AKAP7: variants seen among roughly 807,000 people sequenced by gnomAD.
The protein encoded by AKAP7 is A kinase (PRKA) anchor protein 7.
A neutral mutation model predicts 39.5 loss-of-function variants in AKAP7; 39 were observed. The ratio of observed to expected loss-of-function variants is 0.99; its 90% CI spans 0.76 to 1.29. AKAP7 has a LOEUF of 1.29. Ranked by LOEUF, AKAP7 falls within the 50% of genes most tolerant of loss-of-function variation. AKAP7 has a pLI of 0.00. For synonymous variants in AKAP7, 140 were observed against 139.1 expected, an observed-to-expected ratio of 1.01 and a Z score of -0.05; for missense variants, 414 against 407.7, an observed-to-expected ratio of 1.02 and a Z score of -0.13.
chr6:131,179,731 A>T lies in AKAP7; in HGVS notation c.589+10458A>T, dbSNP rs570312371. Among the ~76,000 whole-genome samples, 14 of 152,238 alleles carry T rather than the reference A, an allele frequency of 9.2e-5. No homozygotes were observed. In the South Asian group the frequency reaches 2.1e-3, roughly 23 times the overall value. ...AAAGATAGAAAAAAATTACCTTGGC[A>T]TGATGGTGCATGCCTTGATTCCAGC... is the stretch of plus-strand genomic sequence containing the variant. On this transcript the variant is annotated intron_variant, in intron 5 of 7. Coordinates refer to ENST00000431975, the MANE Select transcript of AKAP7 (RefSeq NM_016377.4).
intron 7 of AKAP7, among the ~76,000 whole-genome samples, chr6:131,270,193 A>G (rs1192391777): frequency 1.3e-5 from 2 of 152,212 alleles, no homozygotes; most frequent in Non-Finnish European, 2.9e-5. Context: ...GAACAGTTCC[A>G]TCACTCTCCA....
chr6:131,282,009 C>T lies in AKAP7; in HGVS notation c.*283C>T. 1 of 1,162,096 alleles carries T rather than the reference C, an allele frequency of 8.6e-7. No homozygotes were observed. The highest frequency in any genetic ancestry group is 1.1e-6 in the Non-Finnish European group (1 of 944,704). 72.0% of individuals were successfully genotyped at this position (1,162,096 alleles called of 1,614,324 possible). On this transcript the variant is annotated 3_prime_UTR_variant, in exon 8 of 8. Transcript: ENST00000431975. ...AGGGAAAGGGAACTTTGGGTTATGC[C>T]TCCTGGACGCAAATTAAAGGCCGAG...
chr6:131,267,390 G>A (rs951766515), intron 7 of AKAP7, among the ~76,000 whole-genome samples: 1 of 152,164 alleles, frequency 6.6e-6, no homozygotes, highest in Non-Finnish European at 1.5e-5. Context: ...TCTGAAAGTC[G>A]AATTTTCTTT....
intron 5 of AKAP7, among the ~76,000 whole-genome samples, chr6:131,194,682 C>T (rs899073474): frequency 1.3e-5 from 2 of 152,028 alleles, no homozygotes; most frequent in Non-Finnish European, 2.9e-5. Flanking sequence ...CTCCCTTTAG[C>T]TCTAAAAATA....
Position 131,282,446 on chromosome 6 carries a change from C to G in AKAP7, c.*720C>G. ...AGACTTAATTAATGAAGCTTTGCAT[C>G]GAGAAACGATGGGTCTGAAGTCCAA... On this transcript the variant is annotated 3_prime_UTR_variant, in exon 8 of 8. Coordinates refer to ENST00000431975, the MANE Select transcript of AKAP7 (RefSeq NM_016377.4). The G allele has an allele frequency of 4.6e-6, 7 of 1,528,172 alleles. No individual in the cohort carries two copies. Among genetic ancestry groups the G allele is most frequent in the Non-Finnish European group, 6.1e-6 (7 of 1,142,316 alleles). The allele number at this position is 1,528,172 out of a possible 1,614,324, so 94.7% of individuals were successfully genotyped here. A position where few individuals can be genotyped will look rare whatever the true frequency, so the allele number is the denominator to read the frequency against.
At chr6:131,235,371 G>A (rs571191002) in intron 7 of AKAP7, among the ~76,000 whole-genome samples, 15 of 152,148 alleles carry the variant, frequency 9.9e-5, no homozygotes, top group Non-Finnish European at 1.5e-4. Context: ...TAAACATAAC[G>A]TGTGCATGTG....
chr6:131,153,762 A>T (rs916259312), intron 2 of AKAP7, among the ~76,000 whole-genome samples: 2 of 152,208 alleles, frequency 1.3e-5, no homozygotes, highest in African/African-American at 4.8e-5. Flanking sequence ...TATATATCTT[A>T]TCTTCACAGT....
intron 5 of AKAP7, among the ~76,000 whole-genome samples, chr6:131,186,804 GA>G (rs34707543): frequency 0.15 from 22,692 of 152,124 alleles, 2,158 homozygotes; most frequent in Middle Eastern, 0.24. Context: ...TCCCATTAAT[GA>G]AGGCAGACCT....
chr6:131,253,524 T>C (rs1331864326), intron 7 of AKAP7, among the ~76,000 whole-genome samples: 3 of 152,210 alleles, frequency 2.0e-5, no homozygotes. Context: ...ATAGTCACCT[T>C]ACTGTGCTGT....
rs547306693 is a variant in AKAP7, at chr6:131,254,198, T to G, written c.851-27332T>G. Among the ~76,000 whole-genome samples the G allele has an allele frequency of 2.4e-4, 37 of 152,358 alleles. No individual in the cohort carries two copies. In the South Asian group the frequency reaches 7.7e-3, roughly 32 times the overall value. On this transcript the variant is annotated intron_variant, in intron 7 of 7. Coordinates refer to ENST00000431975, the MANE Select transcript of AKAP7 (RefSeq NM_016377.4). ...ATGTTTCTTGGAAGATTAGGCTCTT[T>G]CTCTTGCTCTACGGGAACATTGTTA... is the stretch of plus-strand genomic sequence containing the variant.
chr6:131,219,342 A>T (rs796659927), intron 6 of AKAP7, among the ~76,000 whole-genome samples: 4 of 152,032 alleles, frequency 2.6e-5, no homozygotes, highest in African/African-American at 9.6e-5. Context: ...GGAGATGATT[A>T]GTCTTTCCTT....
At chr6:131,172,210 T>C (rs1420017863) in intron 5 of AKAP7, among the ~76,000 whole-genome samples, 1 of 152,200 alleles carries the variant, frequency 6.6e-6, no homozygotes, top group Non-Finnish European at 1.5e-5. Context: ...ATAATTAAAG[T>C]ATTTTTTAAG....
Position 131,165,128 on chromosome 6 carries a change from T to A in AKAP7, c.339T>A (p.Asp113Glu). 2.5e-6 allele frequency: 4 copies of A among 1,611,992 alleles called. No individual in the cohort carries two copies. The highest frequency in any genetic ancestry group is 3.4e-6 in the Non-Finnish European group (4 of 1,178,568). ...TGCAGAATGCAATAATACAACAAGA[T>A]GAGCGACTGGCCAAAGCAATGGTCA... is the stretch of plus-strand genomic sequence containing the variant. ...KILQNAIIQQ[D>E]ERLAKAMVSD... Residue 113 changes from aspartate (D) to glutamate (E), a missense_variant, in exon 4 of 8, where the codon GAT (aspartate) becomes GAA (glutamate). Physicochemically the swap from Asp to Glu is conservative, Grantham distance 45. Transcript: ENST00000431975.
At chr6:131,228,620 G>T (rs1562229323) in intron 7 of AKAP7, among the ~76,000 whole-genome samples, 1 of 152,110 alleles carries the variant, frequency 6.6e-6, no homozygotes, top group African/African-American at 2.4e-5. Context: ...GGGATTACAG[G>T]TGTGAGCCAC....
At chr6:131,250,655 G>C in intron 7 of AKAP7, 1 of 1,605,592 alleles carries the variant, frequency 6.2e-7, no homozygotes, top group South Asian at 1.1e-5. Flanking sequence ...CTAAGTGCTT[G>C]ACTATTTTGT....
chr6:131,163,285 G>A (rs201457910), intron 3 of AKAP7, among the ~76,000 whole-genome samples: 1 of 152,212 alleles, frequency 6.6e-6, no homozygotes, highest in East Asian at 1.9e-4. Context: ...GGGAAGAGAT[G>A]TAGTCAGGCA....
the AKAP7 span, among the ~76,000 whole-genome samples, chr6:131,126,292 AG>A: frequency 6.6e-6 from 1 of 152,132 alleles, no homozygotes; most frequent in Non-Finnish European, 1.5e-5. Flanking sequence ...GAAAATAGGC[AG>A]GGTACCAAGA....
At chr6:131,144,631 A>G (rs1363713829) in intron 1 of AKAP7, among the ~76,000 whole-genome samples, 2 of 152,194 alleles carry the variant, frequency 1.3e-5, no homozygotes, top group African/African-American at 4.8e-5. Context: ...CCTCCACCCA[A>G]GGTATATGAT....
At chr6:131,134,093 T>G (rs1187930240), upstream of AKAP7, among the ~76,000 whole-genome samples, 1 of 152,136 alleles carries the variant, frequency 6.6e-6, no homozygotes, top group Non-Finnish European at 1.5e-5. Flanking sequence ...CACCTCAGCC[T>G]CTGGAGTAGC....
Sources: allele counts gnomAD v4.1 joint callset (sites outside exome capture counted in the v4.1 genomes callset), GRCh38; gene constraint gnomAD v4.1.1; transcripts MANE v1.5; gene names NCBI Gene and HGNC (gene_info 2026-07-23, HGNC 2026-07-21).